Variants in EXOC4 observed in about 807,000 individuals in gnomAD.
EXOC4 encodes SEC8-like 1.
In EXOC4, 71 loss-of-function variants were observed where a neutral mutation model predicts 107.2. That is an observed-to-expected ratio of 0.66 (90% CI 0.55 to 0.81). The LOEUF (loss-of-function observed/expected upper bound fraction) is 0.81. EXOC4 is among the 30% of genes least tolerant of loss of function. The pLI is 0.00. For missense variants in EXOC4, 1,108 were observed against 1,189.6 expected (o/e 0.93, Z 1.01); for synonymous variants, 456 against 441.2 (o/e 1.03, Z -0.42).
chr7:133,429,161 A>G (rs969739566), intron 7 of EXOC4, among the ~76,000 whole-genome samples: 2 of 152,216 alleles, frequency 1.3e-5, no homozygotes, highest in Non-Finnish European at 2.9e-5. Flanking sequence ...GGGCACTGAA[A>G]GAACGAAGTC....
At chr7:133,483,951 AT>A in intron 9 of EXOC4, 1 of 1,392,402 alleles carries the variant, frequency 7.2e-7, no homozygotes, top group East Asian at 2.3e-5. Context: ...CTAAGGGAAG[AT>A]TTTTGTTTCT....
intron 3 of EXOC4, among the ~76,000 whole-genome samples, chr7:133,293,176 T>C (rs1794444823): frequency 6.6e-6 from 1 of 152,202 alleles, no homozygotes; most frequent in South Asian, 2.1e-4. Context: ...TAAACAATGA[T>C]TTGTATATCC....
chr7:133,297,836 G>A (rs1198601957), intron 3 of EXOC4, among the ~76,000 whole-genome samples: 2 of 152,168 alleles, frequency 1.3e-5, no homozygotes. Context: ...GATAAACCAA[G>A]TGTGACTGTG....
intron 9 of EXOC4, among the ~76,000 whole-genome samples, chr7:133,510,203 C>T (rs567584007): frequency 1.3e-5 from 2 of 152,244 alleles, no homozygotes; most frequent in East Asian, 1.9e-4. Context: ...TGGGACATTT[C>T]TTATAAATAG....
At chr7:133,786,982 A>G (rs1453239554) in intron 10 of EXOC4, among the ~76,000 whole-genome samples, 1 of 152,262 alleles carries the variant, frequency 6.6e-6, no homozygotes, top group African/African-American at 2.4e-5. Context: ...AATATAAGAT[A>G]TAAACAGAGA....
chr7:133,714,652 C>T (rs1051275451), intron 10 of EXOC4, among the ~76,000 whole-genome samples: 2 of 152,198 alleles, frequency 1.3e-5, no homozygotes, highest in African/African-American at 4.8e-5. Flanking sequence ...CAACTGTTTA[C>T]ATAGTGTTTA....
intron 9 of EXOC4, among the ~76,000 whole-genome samples, chr7:133,504,280 G>C (rs891866423): frequency 2.0e-5 from 3 of 152,070 alleles, no homozygotes; most frequent in African/African-American, 7.2e-5. Flanking sequence ...GAGAGGCATA[G>C]TAATTAAGTG....
At chr7:133,339,890 A>C (rs1172262394) in intron 5 of EXOC4, among the ~76,000 whole-genome samples, 1 of 152,124 alleles carries the variant, frequency 6.6e-6, no homozygotes. Flanking sequence ...AATTTATCAG[A>C]TATAGGAGCT....
chr7:133,538,076 T>G (rs1800308516), intron 9 of EXOC4, among the ~76,000 whole-genome samples: 1 of 152,160 alleles, frequency 6.6e-6, no homozygotes, highest in Non-Finnish European at 1.5e-5. Context: ...GCAATTGAGT[T>G]CAGAGGTTGG....
intron 9 of EXOC4, among the ~76,000 whole-genome samples, chr7:133,550,943 CG>C (rs1800575191): frequency 6.6e-6 from 1 of 151,812 alleles, no homozygotes; most frequent in South Asian, 2.1e-4. Context: ...AGTTCTTACA[CG>C]AAGAGTTGTG....
chr7:133,261,981 G>T (rs1483485901), intron 1 of EXOC4, among the ~76,000 whole-genome samples: 1 of 152,136 alleles, frequency 6.6e-6, no homozygotes, highest in African/African-American at 2.4e-5. Context: ...GTGTGCTGCA[G>T]CTCTTTCCCA....
chr7:133,690,543 G>A (rs1794397301), intron 10 of EXOC4, among the ~76,000 whole-genome samples: 1 of 152,032 alleles, frequency 6.6e-6, no homozygotes, highest in Non-Finnish European at 1.5e-5. Context: ...AGCTCTCCTG[G>A]GATTCTGGCG....
intron 17 of EXOC4, among the ~76,000 whole-genome samples, chr7:134,049,174 T>A (rs1221319448): frequency 6.6e-6 from 1 of 152,262 alleles, no homozygotes; most frequent in African/African-American, 2.4e-5. Context: ...GTAACCTTTT[T>A]GTTCTGAGAT....
At chr7:133,782,602 T>C (rs1417315569) in intron 10 of EXOC4, among the ~76,000 whole-genome samples, 2 of 152,206 alleles carry the variant, frequency 1.3e-5, no homozygotes, top group Non-Finnish European at 2.9e-5. Context: ...ATGGGAGCCT[T>C]CTTCACATTC....
chr7:133,286,661 C>T (rs2150542395), intron 2 of EXOC4, among the ~76,000 whole-genome samples: 1 of 152,316 alleles, frequency 6.6e-6, no homozygotes, highest in Admixed American at 6.5e-5. Context: ...TTCACTTGGA[C>T]CAGTTCACTT....
chr7:134,090,071 A>G, the EXOC4 span, among the ~76,000 whole-genome samples: 1 of 152,242 alleles, frequency 6.6e-6, no homozygotes, highest in Non-Finnish European at 1.5e-5. Flanking sequence ...CACATAATGT[A>G]AAAGGCATTA....
intron 17 of EXOC4, among the ~76,000 whole-genome samples, chr7:134,058,215 G>A (rs1795975097): frequency 1.3e-5 from 2 of 152,156 alleles, no homozygotes; most frequent in Non-Finnish European, 2.9e-5. Flanking sequence ...GGGAGCTACA[G>A]TCAATACTAA....
intron 1 of EXOC4, among the ~76,000 whole-genome samples, chr7:133,270,259 GC>G (rs1323622326): frequency 6.6e-6 from 1 of 152,142 alleles, no homozygotes; most frequent in East Asian, 1.9e-4. Flanking sequence ...TTTGTAAATT[GC>G]CCAGTCTTGG....
chr7:133,583,944 G>T (rs905072547), intron 9 of EXOC4, among the ~76,000 whole-genome samples: 27 of 152,164 alleles, frequency 1.8e-4, no homozygotes, highest in African/African-American at 6.0e-4. Flanking sequence ...TAGAGATAAC[G>T]AACTGTGGCT....
Sources: gnomAD v4.1 joint callset for allele counts (sites outside exome capture counted in the v4.1 genomes callset) on GRCh38, gnomAD v4.1.1 for gene constraint, MANE v1.5 for transcripts, NCBI Gene and HGNC (gene_info 2026-07-23, HGNC 2026-07-21) for gene names.